Variants in PRDM10 observed in about 807,000 individuals in gnomAD.
PRDM10 encodes PR domain zinc finger protein 10.
A neutral mutation model predicts 133.1 loss-of-function variants in PRDM10; 65 were observed. The ratio of observed to expected loss-of-function variants is 0.49; its 90% CI spans 0.40 to 0.60. The LOEUF (loss-of-function observed/expected upper bound fraction) is 0.60. PRDM10 is among the 20% of genes least tolerant of loss of function. PRDM10 has a pLI of 0.00. For missense variants in PRDM10, 1,137 were observed against 1,507.1 expected (o/e 0.75, Z 4.07); for synonymous variants, 582 against 580.4 (o/e 1.00, Z -0.04).
In PRDM10 at chr11:129,968,436, CGGAGGAGGGTGAGTGCCAGTCT is replaced by C. The variant is rs1051007830; in HGVS notation, c.-118-7376_-118-7355del. Among the ~76,000 whole-genome samples the C allele has an allele frequency of 2.6e-5, 4 of 152,142 alleles. No homozygotes were observed. In the East Asian group the frequency reaches 7.7e-4, roughly 29 times the overall value. On this transcript the variant is annotated intron_variant, in intron 1 of 20. Coordinates refer to ENST00000360871, the MANE Select transcript of PRDM10 (RefSeq NM_199437.2). ...TGAACATAAAAACTGAGGACAAAAACGGAGGAGGGTGAGTGCCAGTCTGGGGAGGGGGTTGTGGATGGGACCA... is the reference window on the plus strand; with the variant it reads ...TGAACATAAAAACTGAGGACAAAAACGGGGAGGGGGTTGTGGATGGGACCA...
chr11:129,969,522 A>T (rs1023664186), intron 1 of PRDM10, among the ~76,000 whole-genome samples: 1 of 152,062 alleles, frequency 6.6e-6, no homozygotes, highest in Non-Finnish European at 1.5e-5. Context: ...GGCCTGGCAC[A>T]GTGGCTCATG....
At chr11:130,002,546 CCAT>C (rs1939483889) in intron 1 of PRDM10, among the ~76,000 whole-genome samples, 173 bp downstream of exon 1, 1 of 151,938 alleles carries the variant, frequency 6.6e-6, no homozygotes, top group South Asian at 2.1e-4. Flanking sequence ...CCCACCACCA[CCAT>C]CAATTCCCCC....
intron 11 of PRDM10, chr11:129,929,388 G>A: frequency 6.4e-7 from 1 of 1,564,518 alleles, no homozygotes; most frequent in Non-Finnish European, 8.7e-7. Flanking sequence ...TCTGTTATGT[G>A]AAACACAGGA....
intron 1 of PRDM10, among the ~76,000 whole-genome samples, chr11:129,990,993 G>A (rs1055807421): frequency 2.6e-5 from 4 of 152,112 alleles, no homozygotes; most frequent in African/African-American, 4.8e-5. Flanking sequence ...AACCACCACC[G>A]TAGGACTATG....
In PRDM10 at chr11:129,925,213, T is replaced by C; in HGVS notation, c.1547A>G (p.His516Arg). The C allele has an allele frequency of 6.2e-7, 1 of 1,610,118 alleles. No individual in the cohort carries two copies. Among genetic ancestry groups the C allele is most frequent in the Non-Finnish European group, 8.5e-7 (1 of 1,178,334 alleles). Reference protein sequence around the residue: ...AKRIRNAALQHLFIRKSFRPF... With the variant: ...AKRIRNAALQRLFIRKSFRPF... Reference sequence around the variant, plus strand: ...CCGGAAGGACTTCCGAATAAACAGATGCTGAAGAGCTGCATTCTGAAAGAC... The same window carrying C: ...CCGGAAGGACTTCCGAATAAACAGACGCTGAAGAGCTGCATTCTGAAAGAC... The change falls in exon 12 of 21, where the codon CAT (histidine) becomes CGT (arginine). Residue 516 changes from histidine (H) to arginine (R), a missense_variant. Transcript: ENST00000360871.
intron 1 of PRDM10, among the ~76,000 whole-genome samples, chr11:129,983,900 G>A (rs949603983): frequency 1.6e-4 from 25 of 152,080 alleles, no homozygotes; most frequent in African/African-American, 5.1e-4. Context: ...TCCTCTCACC[G>A]ACTCTCTGCC....
intron 1 of PRDM10, among the ~76,000 whole-genome samples, chr11:129,965,194 T>A (rs1211697636): frequency 3.3e-5 from 5 of 151,516 alleles, no homozygotes; most frequent in Non-Finnish European, 5.9e-5. Flanking sequence ...AGAACCCAGA[T>A]CGTGCCACTG....
At chr11:129,990,117 A>G (rs1938646976) in intron 1 of PRDM10, among the ~76,000 whole-genome samples, 1 of 151,796 alleles carries the variant, frequency 6.6e-6, no homozygotes, top group East Asian at 1.9e-4. Context: ...AGGCCGAGGC[A>G]GGTGGATCAC....
chr11:129,988,669 G>A (rs1292732633), intron 1 of PRDM10, among the ~76,000 whole-genome samples: 7 of 151,330 alleles, frequency 4.6e-5, no homozygotes, highest in African/African-American at 1.2e-4. Flanking sequence ...TCGCTCTGTT[G>A]CCTGGGCTGG....
At chr11:129,920,171 C>T (rs114729575) in intron 13 of PRDM10, among the ~76,000 whole-genome samples, 5 of 152,092 alleles carry the variant, frequency 3.3e-5, no homozygotes, top group African/African-American at 1.2e-4. Flanking sequence ...ACCAACTGAC[C>T]TTAACCGAAT....
Position 129,912,155 on chromosome 11 carries a change from G to C in PRDM10, c.2912C>G (p.Pro971Arg). 1 of 1,612,922 alleles carries C rather than the reference G, an allele frequency of 6.2e-7. No homozygotes were observed. ...VGQLHDPQPYPQHAIQVQHIQ... is the reference protein window; with the variant it reads ...VGQLHDPQPYRQHAIQVQHIQ... ...GTGCTGCACCTGGATGGCGTGCTGGGGGTAGGGCTGAGGATCATGGAGCTG... is the reference window on the plus strand; with the variant it reads ...GTGCTGCACCTGGATGGCGTGCTGGCGGTAGGGCTGAGGATCATGGAGCTG... The change falls in exon 18 of 21, where the codon CCC becomes CGC. Residue 971 changes from proline to arginine, a missense_variant. By Grantham distance (103) the Pro-to-Arg change is moderately radical. Transcript: ENST00000360871.
intron 7 of PRDM10, among the ~76,000 whole-genome samples, chr11:129,940,117 G>A (rs894621244): frequency 3.9e-5 from 6 of 152,156 alleles, no homozygotes; most frequent in Non-Finnish European, 8.8e-5. Flanking sequence ...AATTTATTTT[G>A]CTTCAGTGTG....
intron 1 of PRDM10, among the ~76,000 whole-genome samples, chr11:130,002,069 CA>C (rs1939429219): frequency 1.3e-5 from 2 of 151,398 alleles, no homozygotes; most frequent in Non-Finnish European, 3.0e-5. Context: ...CCCCATCGAA[CA>C]GGACCCTCCG....
intron 6 of PRDM10, among the ~76,000 whole-genome samples, chr11:129,943,662 TC>T (rs746916581): frequency 2.6e-5 from 4 of 151,956 alleles, no homozygotes; most frequent in Non-Finnish European, 5.9e-5. Context: ...GAGTTCAAGA[TC>T]AACCTGGGCA....
chr11:129,918,939 C>A lies in PRDM10; in HGVS notation c.2035-221G>T, dbSNP rs926021916. Among the ~76,000 whole-genome samples the A allele has an allele frequency of 2.0e-5, 3 of 151,958 alleles. No individual in the cohort carries two copies. The highest frequency in any genetic ancestry group is 7.3e-5 in the African/African-American group (3 of 41,332). ...TCCAATGAACCTTGGTTTAAAATGA[C>A]CATTAAATAGGAAAGATACATACCG... On this transcript the variant is annotated intron_variant, in intron 13 of 20. Coordinates refer to ENST00000360871, the MANE Select transcript of PRDM10 (RefSeq NM_199437.2). This position sits in a 1 kb window ranked among gnomAD's most constrained non-coding sequence, Gnocchi z 5.3.
At chr11:129,989,139 C>T (rs1938592788) in intron 1 of PRDM10, among the ~76,000 whole-genome samples, 1 of 152,088 alleles carries the variant, frequency 6.6e-6, no homozygotes, top group African/African-American at 2.4e-5. Context: ...ACATAGAAAG[C>T]TAGGTGAAAG....
rs188350810 is a variant in PRDM10 at position 129,923,340 on chromosome 11, C to T, written c.1942G>A (p.Ala648Thr). ...KIYQCTECDK[A>T]FCRPDKLRLH... Reference sequence around the variant, plus strand: ...CGCAGTTTATCGGGGCGACAGAAGGCCTTGTCACACTCTGTGCACTGGTAG... The same window carrying T: ...CGCAGTTTATCGGGGCGACAGAAGGTCTTGTCACACTCTGTGCACTGGTAG... Residue 648 changes from alanine to threonine, a missense_variant, in exon 13 of 21, where the codon GCC becomes ACC. Ala to Thr is a moderately conservative substitution (Grantham distance 58). This residue lies in a region of PRDM10 where 635 missense variants were observed against 835.2 expected (regional missense o/e 0.76). Transcript: ENST00000360871. The surrounding 1 kb of genome is among the most constrained non-coding windows in gnomAD (Gnocchi z 4.4). 3 of 1,612,194 alleles carry T rather than the reference C, an allele frequency of 1.9e-6. No homozygotes were observed. The highest frequency in any genetic ancestry group is 2.2e-5 in the East Asian group (1 of 44,862).
At chr11:129,905,176 G>A (rs1262492528) in intron 20 of PRDM10, among the ~76,000 whole-genome samples, 3 of 151,938 alleles carry the variant, frequency 2.0e-5, no homozygotes, top group Admixed American at 6.6e-5. Flanking sequence ...ATACTGGCCA[G>A]CATGGTGAAA....
chr11:130,002,565 C>T (rs375018911), intron 1 of PRDM10, among the ~76,000 whole-genome samples, 157 bp downstream of exon 1: 1 of 152,088 alleles, frequency 6.6e-6, no homozygotes, highest in East Asian at 1.9e-4. Context: ...CCCCCCCCAC[C>T]CGGGTCCGCG....
Sources: allele counts gnomAD v4.1 joint callset (sites outside exome capture counted in the v4.1 genomes callset), GRCh38; gene constraint gnomAD v4.1.1; regional missense constraint gnomAD v4.1.1; non-coding constraint Gnocchi (gnomAD v3.1); transcripts MANE v1.5; gene names NCBI Gene and HGNC (gene_info 2026-07-23, HGNC 2026-07-21).